The following MMP7 variants were observed in gnomAD, a reference collection of about 807,000 sequenced individuals.
The protein encoded by MMP7 is matrix metallopeptidase 7, also known as matrilysin.
A neutral mutation model predicts 31.5 loss-of-function variants in MMP7; 26 were observed. That is an observed-to-expected ratio of 0.83 (90% CI 0.61 to 1.15). MMP7 has a LOEUF of 1.15. Ranked by LOEUF, MMP7 falls within the 50% of genes most tolerant of loss-of-function variation. MMP7 has a pLI of 0.00. For synonymous variants in MMP7, 142 were observed against 124.2 expected, an observed-to-expected ratio of 1.14 and a Z score of -0.95; for missense variants, 367 against 326.5, an observed-to-expected ratio of 1.12 and a Z score of -0.96.
chr11:102,530,577 G>A lies in MMP7; in HGVS notation c.108+16C>T. The A allele has an allele frequency of 6.3e-7, 1 of 1,596,994 alleles. No homozygotes were observed. The highest frequency in any genetic ancestry group is 8.6e-7 in the Non-Finnish European group (1 of 1,164,520). On this transcript the variant is annotated intron_variant, in intron 1 of 5. Transcript: ENST00000260227. ...GGCAAAAGAATGGAACCCTAAGTAA[G>A]TGGGCTGTGACATACCTGAGCCTGT...
intron 3 of MMP7, among the ~76,000 whole-genome samples, chr11:102,526,225 A>G (rs58887946): frequency 1.6e-5 from 2 of 128,022 alleles, no homozygotes; most frequent in South Asian, 4.9e-4. Context: ...AAAAAAAAAA[A>G]ATATATATAT....
At chr11:102,524,062 T>TTTGAG in intron 4 of MMP7, among the ~76,000 whole-genome samples, 1 of 152,208 alleles carries the variant, frequency 6.6e-6, no homozygotes, top group Non-Finnish European at 1.5e-5. Flanking sequence ...GTGGAAGGTG[T>TTTGAG]GAGCCCGTGC....
chr11:102,521,649 T>C (rs2187364), intron 5 of MMP7, among the ~76,000 whole-genome samples: 3 of 152,124 alleles, frequency 2.0e-5, no homozygotes, highest in African/African-American at 7.2e-5. Flanking sequence ...GTCCAGAAGT[T>C]ACTTGTTTCC....
intron 3 of MMP7, among the ~76,000 whole-genome samples, chr11:102,526,496 C>G (rs993925193): frequency 6.6e-6 from 1 of 152,014 alleles, no homozygotes; most frequent in African/African-American, 2.4e-5. Flanking sequence ...CTTGGCCTCC[C>G]GAAGTGCTGG....
intron 5 of MMP7, among the ~76,000 whole-genome samples, chr11:102,522,665 C>T (rs1477344185): frequency 1.3e-5 from 2 of 152,164 alleles, no homozygotes; most frequent in African/African-American, 2.4e-5. Context: ...TGACTCAATA[C>T]AGTAAATCCA....
At position 102,525,081 on chromosome 11, in the gene MMP7, T is replaced by G. The variant is rs1177690314; in HGVS notation, c.485-17A>C. The stretch of plus-strand genomic sequence containing the variant: ...CCCCATGAGCTGAAAGAAAATGGAG[T>G]GATTGTTCTTAGTGACTGATTTTTT... On this transcript the variant is annotated splice_polypyrimidine_tract_variant and intron_variant, in intron 3 of 5. Transcript: ENST00000260227. 1.1e-5 allele frequency: 18 copies of G among 1,584,174 alleles called. No homozygotes were observed. The highest frequency in any genetic ancestry group is 1.4e-5 in the Non-Finnish European group (16 of 1,169,204).
In MMP7 at chr11:102,530,644, C is replaced by T. The variant is rs753814987; in HGVS notation, c.57G>A (p.Pro19=). 8.1e-6 allele frequency: 13 copies of T among 1,613,786 alleles called. No individual in the cohort carries two copies. In the African/African-American group the frequency reaches 1.1e-4, roughly 13 times the overall value. The change falls in exon 1 of 6, where the codon CCG becomes CCA. Residue 19 remains proline, a synonymous_variant. Coordinates refer to ENST00000260227, the MANE Select transcript of MMP7 (RefSeq NM_002423.5). ...VCLLPGSLAL[P]LPQEAGGMSE... is the part of the protein sequence containing the mutation. ...TCATGCCTCCCGCCTCCTGAGGCAG[C>T]GGCAGGGCCAGGCTGCCAGGCAGCA...
rs766722003 is a variant in MMP7, at chr11:102,523,235, A to G, written c.775+5T>C. The G allele has an allele frequency of 1.3e-6, 2 of 1,576,488 alleles. No homozygotes were observed. The highest frequency in any genetic ancestry group is 1.7e-6 in the Non-Finnish European group (2 of 1,158,302). Reference sequence around the variant, plus strand: ...AATCCTCTTATTTGAAATAATAAATATTACCATATAGTTTCTGAATGCCTT... The same window carrying G: ...AATCCTCTTATTTGAAATAATAAATGTTACCATATAGTTTCTGAATGCCTT... On this transcript the variant is annotated splice_donor_5th_base_variant and intron_variant, in intron 5 of 5. Transcript: ENST00000260227.
intron 1 of MMP7, among the ~76,000 whole-genome samples, chr11:102,528,410 G>A (rs1054782816): frequency 1.3e-5 from 2 of 152,136 alleles, no homozygotes; most frequent in Non-Finnish European, 2.9e-5. Context: ...GCTGAGATGC[G>A]GTTCCAGCTA....
Position 102,527,546 on chromosome 11 carries a change from G to A in MMP7, c.462C>T (p.Ile154=), listed in dbSNP as rs1027161370. Residue 154 remains isoleucine, a synonymous_variant, in exon 3 of 6, where the codon ATC becomes ATT. Coordinates refer to ENST00000260227, the MANE Select transcript of MMP7 (RefSeq NM_002423.5). ...FRKVVWGTAD[I]MIGFARGAHG... Reference sequence around the variant, plus strand: ...TACCTCCTCGCGCAAAGCCAATCATGATGTCAGCAGTTCCCCATACAACTT... The same window carrying A: ...TACCTCCTCGCGCAAAGCCAATCATAATGTCAGCAGTTCCCCATACAACTT... The A allele has an allele frequency of 6.2e-7, 1 of 1,613,512 alleles. No homozygotes were observed. Among genetic ancestry groups the A allele is most frequent in the African/African-American group, 1.3e-5 (1 of 75,042 alleles).
Position 102,520,823 on chromosome 11 carries a change from AG to A in MMP7, c.776-20del, listed in dbSNP as rs1268280563. ...CTCTTTCCTATTGAGAGAAAAAAAA[AG>A]AACATTCTGATATGTAGAAAATGCA... On this transcript the variant is annotated intron_variant, in intron 5 of 5. Transcript: ENST00000260227. 1.3e-6 allele frequency: 2 copies of A among 1,516,338 alleles called. No individual in the cohort carries two copies. The highest frequency in any genetic ancestry group is 2.2e-5 in the East Asian group (1 of 44,448). The allele number at this position is 1,516,338 out of a possible 1,614,324, so 93.9% of individuals were successfully genotyped here. A position where few individuals can be genotyped will look rare whatever the true frequency, so the allele number is the denominator to read the frequency against.
intron 1 of MMP7, among the ~76,000 whole-genome samples, chr11:102,530,259 G>A (rs1858720654): frequency 6.6e-6 from 1 of 152,162 alleles, no homozygotes; most frequent in African/African-American, 2.4e-5. Context: ...TTCAGGTATT[G>A]TGTTGAATGC....
At chr11:102,526,028 C>T (rs1216629192) in intron 3 of MMP7, among the ~76,000 whole-genome samples, 7 of 151,716 alleles carry the variant, frequency 4.6e-5, no homozygotes. Flanking sequence ...ATTTCAGCTA[C>T]AGTAGCCGGA....
intron 5 of MMP7, 56 bp downstream of exon 5, chr11:102,523,184 T>C: frequency 2.9e-6 from 4 of 1,389,318 alleles, no homozygotes; most frequent in Non-Finnish European, 4.0e-6. Flanking sequence ...TTTCTTTTCC[T>C]ACCCCACTCT....
At position 102,528,135 on chromosome 11, in the gene MMP7, A is replaced by T. The variant is rs1300956016; in HGVS notation, c.109-152T>A. 4 of 654,204 alleles carry T rather than the reference A, an allele frequency of 6.1e-6. No individual in the cohort carries two copies. The East Asian group carries it at 1.1e-4, about 18-fold the overall frequency. The allele number at this position is 654,204 out of a possible 1,614,324, so 40.5% of individuals were successfully genotyped here. ...TAGTCACAGAGAAAAATAAGTGTGC[A>T]TTAGTGAGGAGAAAATTTAATATTG... On this transcript the variant is annotated intron_variant, in intron 1 of 5. Transcript: ENST00000260227.
chr11:102,524,247 C>T (rs1255118476), intron 4 of MMP7: 1 of 152,156 alleles, frequency 6.6e-6, no homozygotes, highest in Non-Finnish European at 1.5e-5. Context: ...TGGTGAATTC[C>T]TTTTGCCAAA....
chr11:102,521,074 C>A (rs552657619), intron 5 of MMP7, among the ~76,000 whole-genome samples: 19 of 152,246 alleles, frequency 1.2e-4, no homozygotes, highest in African/African-American at 4.6e-4. Context: ...ACTACTTAAC[C>A]TCTCTTAGCA....
At chr11:102,526,214 TAAAA>T (rs10565156) in intron 3 of MMP7, among the ~76,000 whole-genome samples, 9 of 124,012 alleles carry the variant, frequency 7.3e-5, no homozygotes, top group Admixed American at 3.3e-4. Flanking sequence ...AAAACCCACG[TAAAA>T]AAAAAAAATA....
intron 5 of MMP7, among the ~76,000 whole-genome samples, chr11:102,522,005 C>A (rs777419434): frequency 6.6e-6 from 1 of 152,164 alleles, no homozygotes; most frequent in Non-Finnish European, 1.5e-5. Flanking sequence ...TTATGGGACT[C>A]ATTGAGACCC....
Sources: gnomAD v4.1 joint callset for allele counts (sites outside exome capture counted in the v4.1 genomes callset) on GRCh38, gnomAD v4.1.1 for gene constraint, MANE v1.5 for transcripts, NCBI Gene and HGNC (gene_info 2026-07-23, HGNC 2026-07-21) for gene names.